DLG1: variants seen among roughly 807,000 people sequenced by gnomAD.
DLG1 encodes discs large MAGUK scaffold protein 1.
A neutral mutation model predicts 123.4 loss-of-function variants in DLG1; 42 were observed. The ratio of observed to expected loss-of-function variants is 0.34; its 90% CI spans 0.27 to 0.44. The LOEUF (loss-of-function observed/expected upper bound fraction) is 0.44. Ranked by LOEUF, DLG1 falls within the 20% of genes least tolerant of loss-of-function variation. The pLI is 1.00. For synonymous variants in DLG1, 317 were observed against 356.2 expected, an observed-to-expected ratio of 0.89 and a Z score of 1.24; for missense variants, 942 against 1,082.6, an observed-to-expected ratio of 0.87 and a Z score of 1.82.
At chr3:197,086,044 TAGAC>T (rs1754158532) in intron 15 of DLG1, among the ~76,000 whole-genome samples, 1 of 151,986 alleles carries the variant, frequency 6.6e-6, no homozygotes, top group African/African-American at 2.4e-5. Flanking sequence ...AATTCTAAAA[TAGAC>T]AAATCCAGAG....
intron 5 of DLG1, among the ~76,000 whole-genome samples, chr3:197,150,306 T>G (rs979789224): frequency 1.3e-5 from 2 of 152,122 alleles, no homozygotes; most frequent in Non-Finnish European, 2.9e-5. Flanking sequence ...AAAACCCGAT[T>G]ATTTTCAGCT....
At chr3:197,051,809 G>T in intron 23 of DLG1, 141 bp from the exon 24 acceptor site, 4 of 507,490 alleles carry the variant, frequency 7.9e-6, no homozygotes, top group Non-Finnish European at 1.0e-5. Context: ...TTAAAAACTT[G>T]AGTCATTCTG....
At chr3:197,083,589 G>A (rs1210000798) in intron 16 of DLG1, among the ~76,000 whole-genome samples, 1 of 152,134 alleles carries the variant, frequency 6.6e-6, no homozygotes, top group Non-Finnish European at 1.5e-5. Flanking sequence ...TCTAAGCTGG[G>A]ACCATCCTTT....
intron 4 of DLG1, among the ~76,000 whole-genome samples, chr3:197,258,723 A>G (rs117713828): frequency 6.6e-6 from 1 of 152,180 alleles, no homozygotes; most frequent in African/African-American, 2.4e-5. Flanking sequence ...TGGGGTACAC[A>G]CCGCAGCCTT....
intron 4 of DLG1, among the ~76,000 whole-genome samples, chr3:197,241,352 AAAGCT>A (rs1395076126): frequency 2.0e-5 from 3 of 152,084 alleles, no homozygotes; most frequent in Non-Finnish European, 4.4e-5. Flanking sequence ...CACACAAACA[AAAGCT>A]AAGAGAATTC....
At chr3:197,088,263 GGATA>G (rs1200457189) in intron 15 of DLG1, among the ~76,000 whole-genome samples, 1 of 151,858 alleles carries the variant, frequency 6.6e-6, no homozygotes, top group Non-Finnish European at 1.5e-5. Context: ...CAAGAAAATA[GGATA>G]GCTAGAAAAA....
intron 15 of DLG1, among the ~76,000 whole-genome samples, chr3:197,085,977 T>A (rs997444743): frequency 6.6e-6 from 1 of 151,600 alleles, no homozygotes; most frequent in Non-Finnish European, 1.5e-5. Context: ...TCTTTCAATA[T>A]CACAAGACAA....
intron 7 of DLG1, among the ~76,000 whole-genome samples, chr3:197,141,902 T>G (rs1039168651): frequency 6.6e-6 from 1 of 152,198 alleles, no homozygotes. Flanking sequence ...AGACGGAGTT[T>G]TGCCATGTTG....
At chr3:197,136,172 T>G (rs1023330125) in intron 10 of DLG1, among the ~76,000 whole-genome samples, 1 of 152,218 alleles carries the variant, frequency 6.6e-6, no homozygotes, top group Non-Finnish European at 1.5e-5. Context: ...GTTGATGTTC[T>G]AATTCTTGGG....
intron 11 of DLG1, among the ~76,000 whole-genome samples, chr3:197,120,671 A>T (rs1487890007): frequency 2.0e-5 from 3 of 152,218 alleles, no homozygotes; most frequent in Non-Finnish European, 4.4e-5. Context: ...TATTAGTTCA[A>T]ATTACTATAG....
intron 11 of DLG1, among the ~76,000 whole-genome samples, chr3:197,128,827 T>C (rs1013939287): frequency 1.9e-4 from 29 of 152,108 alleles, no homozygotes; most frequent in Non-Finnish European, 2.8e-4. Context: ...ACTAATATTT[T>C]GAAAGGAGTG....
intron 4 of DLG1, among the ~76,000 whole-genome samples, chr3:197,217,370 C>T (rs1734636244): frequency 6.6e-6 from 1 of 152,010 alleles, no homozygotes. Context: ...GAATGTCCTC[C>T]CTACTTCAAG....
At chr3:197,262,114 G>A (rs1255364009) in intron 4 of DLG1, among the ~76,000 whole-genome samples, 1 of 152,176 alleles carries the variant, frequency 6.6e-6, no homozygotes, top group Non-Finnish European at 1.5e-5. Flanking sequence ...TAATGCTAAT[G>A]AGGTAACTTA....
At chr3:197,153,367 C>G (rs953838534) in intron 5 of DLG1, among the ~76,000 whole-genome samples, 4 of 152,202 alleles carry the variant, frequency 2.6e-5, no homozygotes, top group African/African-American at 9.7e-5. Flanking sequence ...AGGCTGGCAA[C>G]TTCCAGGTGA....
chr3:197,089,760 T>G (rs1194258279), intron 15 of DLG1, among the ~76,000 whole-genome samples: 1 of 152,062 alleles, frequency 6.6e-6, no homozygotes, highest in Non-Finnish European at 1.5e-5. Context: ...GAAAAATCCA[T>G]GTTCTTCCTT....
At chr3:197,150,382 AAAAT>A (rs1793267761) in intron 5 of DLG1, among the ~76,000 whole-genome samples, 1 of 152,180 alleles carries the variant, frequency 6.6e-6, no homozygotes, top group Non-Finnish European at 1.5e-5. Flanking sequence ...TACAGCAAGA[AAAAT>A]AAGCAGAATA....
chr3:197,265,464 T>C (rs999814978), intron 4 of DLG1, among the ~76,000 whole-genome samples: 12 of 152,130 alleles, frequency 7.9e-5, no homozygotes, highest in Admixed American at 6.5e-5. Context: ...CAGCCTTAAG[T>C]TGAGGAGAAA....
At chr3:197,118,917 T>C (rs560259857) in intron 12 of DLG1, among the ~76,000 whole-genome samples, 65 of 152,220 alleles carry the variant, frequency 4.3e-4, no homozygotes, top group Non-Finnish European at 6.8e-4. Context: ...TACGGGAGGA[T>C]AGCTTGAGTC....
At chr3:197,128,109 G>A (rs953611537) in intron 11 of DLG1, among the ~76,000 whole-genome samples, 3 of 152,124 alleles carry the variant, frequency 2.0e-5, no homozygotes, top group Non-Finnish European at 4.4e-5. Flanking sequence ...TTTTACAAAA[G>A]ATTTCCCTGA....
Sources: allele counts gnomAD v4.1 joint callset (sites outside exome capture counted in the v4.1 genomes callset), GRCh38; gene constraint gnomAD v4.1.1; transcripts MANE v1.5; gene names NCBI Gene and HGNC (gene_info 2026-07-23, HGNC 2026-07-21).